The following EEIG2 variants were observed in gnomAD, a reference collection of about 807,000 sequenced individuals.
EEIG2 encodes family with sequence similarity 102 member B.
the EEIG2 span, among the ~76,000 whole-genome samples, chr1:108,633,471 G>A: frequency 6.6e-6 from 1 of 151,868 alleles, no homozygotes; most frequent in Admixed American, 6.6e-5. Context: ...TTAACTTTTT[G>A]TGGACACAAG....
At chr1:108,571,649 A>G in the EEIG2 span, among the ~76,000 whole-genome samples, 2 of 152,176 alleles carry the variant, frequency 1.3e-5, no homozygotes, top group Non-Finnish European at 2.9e-5. Context: ...ATATGAAATA[A>G]TTTAGTGTCA....
the EEIG2 span, among the ~76,000 whole-genome samples, chr1:108,630,836 AG>A: frequency 2.6e-5 from 4 of 152,292 alleles, no homozygotes; most frequent in Non-Finnish European, 4.4e-5. Flanking sequence ...AGTGAGTCAC[AG>A]TTGCAGGTGG....
At chr1:108,638,853 C>T in the EEIG2 span, 2 of 152,172 alleles carry the variant, frequency 1.3e-5, no homozygotes, top group African/African-American at 4.8e-5. Context: ...AATATATACA[C>T]AGTATATTTT....
At chr1:108,617,592 T>A in the EEIG2 span, among the ~76,000 whole-genome samples, 2 of 152,100 alleles carry the variant, frequency 1.3e-5, no homozygotes, top group Non-Finnish European at 2.9e-5. Context: ...AATTATTACA[T>A]CATCAGCATA....
At chr1:108,609,640 G>A in the EEIG2 span, among the ~76,000 whole-genome samples, 1 of 152,184 alleles carries the variant, frequency 6.6e-6, no homozygotes, top group Non-Finnish European at 1.5e-5. Context: ...CATTGTGGCT[G>A]CCAGAGTAAA....
At chr1:108,599,379 G>A in the EEIG2 span, among the ~76,000 whole-genome samples, 1 of 152,102 alleles carries the variant, frequency 6.6e-6, no homozygotes, top group South Asian at 2.1e-4. Context: ...TGTTCAACCT[G>A]GGCTCTCTTG....
chr1:108,637,088 C>T, the EEIG2 span: 1 of 152,088 alleles, frequency 6.6e-6, no homozygotes, highest in Non-Finnish European at 1.5e-5. Context: ...CTTGGCTGCC[C>T]TTGGTCCGAC....
At chr1:108,570,484 C>A in the EEIG2 span, among the ~76,000 whole-genome samples, 2 of 152,044 alleles carry the variant, frequency 1.3e-5, no homozygotes, top group Non-Finnish European at 2.9e-5. Context: ...TTAGCTTTCT[C>A]AGTAGCAACC....
the EEIG2 span, among the ~76,000 whole-genome samples, chr1:108,634,933 A>G: frequency 6.6e-6 from 1 of 152,228 alleles, no homozygotes; most frequent in Non-Finnish European, 1.5e-5. Context: ...CAATGTATTA[A>G]TGATAAACAT....
chr1:108,615,498 G>A, the EEIG2 span, among the ~76,000 whole-genome samples: 1 of 151,894 alleles, frequency 6.6e-6, no homozygotes, highest in Non-Finnish European at 1.5e-5. Flanking sequence ...ATCCTGGTTG[G>A]GCACAGTGAC....
the EEIG2 span, chr1:108,626,569 G>A: frequency 1.3e-5 from 2 of 152,082 alleles, no homozygotes; most frequent in African/African-American, 4.8e-5. Flanking sequence ...CTCTCAGCTG[G>A]ATTATTATGA....
the EEIG2 span, among the ~76,000 whole-genome samples, chr1:108,619,007 T>C: frequency 6.6e-6 from 1 of 152,200 alleles, no homozygotes; most frequent in Non-Finnish European, 1.5e-5. Flanking sequence ...ACTGTTTTTC[T>C]ATTGGAGTAA....
chr1:108,561,275 A>G, the EEIG2 span, among the ~76,000 whole-genome samples: 7 of 152,308 alleles, frequency 4.6e-5, no homozygotes, highest in East Asian at 1.3e-3. Context: ...ATTAAATAAT[A>G]GGTGTGGCAT....
At chr1:108,627,258 A>G in the EEIG2 span, 6 of 152,238 alleles carry the variant, frequency 3.9e-5, no homozygotes, top group African/African-American at 1.4e-4. Context: ...CTGTCCAGAA[A>G]TGAGAAACCT....
chr1:108,576,886 T>G, the EEIG2 span, among the ~76,000 whole-genome samples: 2 of 152,124 alleles, frequency 1.3e-5, no homozygotes, highest in African/African-American at 4.8e-5. Context: ...ACTTCCACAA[T>G]GGTTGAACTA....
chr1:108,600,322 G>A, the EEIG2 span, among the ~76,000 whole-genome samples: 2 of 152,204 alleles, frequency 1.3e-5, no homozygotes, highest in African/African-American at 4.8e-5. Flanking sequence ...GTAGCCTAAT[G>A]TATATTTTGA....
chr1:108,581,065 T>C, the EEIG2 span, among the ~76,000 whole-genome samples: 1 of 152,190 alleles, frequency 6.6e-6, no homozygotes, highest in East Asian at 1.9e-4. Context: ...TGGTCACTTA[T>C]CAATGTGAAA....
the EEIG2 span, among the ~76,000 whole-genome samples, chr1:108,613,033 C>T: frequency 3.3e-5 from 5 of 152,150 alleles, no homozygotes; most frequent in South Asian, 8.3e-4. Context: ...TCTGAACATA[C>T]GAAAATGTGT....
chr1:108,560,594 CTTTCTGCT>C, the EEIG2 span: 1 of 1,602,172 alleles, frequency 6.2e-7, no homozygotes, highest in Non-Finnish European at 8.5e-7. Context: ...CGCCTCGCCC[CTTTCTGCT>C]TGGCCAGGGC....
Sources: allele counts gnomAD v4.1 joint callset (sites outside exome capture counted in the v4.1 genomes callset), GRCh38; gene constraint gnomAD v4.1.1; transcripts MANE v1.5; gene names NCBI Gene and HGNC (gene_info 2026-07-23, HGNC 2026-07-21).